DNAAF4: variants seen among roughly 807,000 people sequenced by gnomAD.
The protein encoded by DNAAF4 is dynein axonemal assembly factor 4, also known as dynein assembly factor 4, axonemal.
In DNAAF4, 43 loss-of-function variants were observed where a neutral mutation model predicts 51.8. The observed-to-expected ratio is 0.83, with a 90% CI of 0.65 to 1.07. The LOEUF is 1.07. Ranked by LOEUF, DNAAF4 falls within the 50% of genes least tolerant of loss-of-function variation. DNAAF4 has a pLI of 0.00. For missense variants in DNAAF4, 581 were observed against 493.0 expected (o/e 1.18, Z -1.69); for synonymous variants, 194 against 165.6 (o/e 1.17, Z -1.32).
downstream of DNAAF4, among the ~76,000 whole-genome samples, chr15:55,426,686 C>A (rs1166951331): frequency 6.6e-6 from 1 of 152,156 alleles, no homozygotes; most frequent in Non-Finnish European, 1.5e-5. Flanking sequence ...TCCCAAAGTG[C>A]TGGAATTACA....
downstream of DNAAF4, among the ~76,000 whole-genome samples, chr15:55,428,224 G>A: frequency 6.6e-6 from 1 of 152,160 alleles, no homozygotes; most frequent in East Asian, 1.9e-4. Context: ...AAAGTGCTGG[G>A]ATTATGGGCA....
chr15:55,433,957 A>T (rs1317390938), intron 8 of DNAAF4, among the ~76,000 whole-genome samples: 1 of 48,330 alleles, frequency 2.1e-5, no homozygotes, highest in South Asian at 4.5e-4. Flanking sequence ...TATATATAAT[A>T]TATATAATAT....
chr15:55,487,022 T>C (rs1024471032), intron 4 of DNAAF4, among the ~76,000 whole-genome samples: 3 of 152,184 alleles, frequency 2.0e-5, no homozygotes, highest in Non-Finnish European at 4.4e-5. Context: ...ACTCAACTAA[T>C]TTTACACTTT....
downstream of DNAAF4, among the ~76,000 whole-genome samples, chr15:55,427,227 G>A (rs898350747): frequency 1.1e-4 from 17 of 152,046 alleles, no homozygotes; most frequent in East Asian, 9.7e-4. Context: ...CACCACACCC[G>A]GCTGATTTTT....
At chr15:55,499,648 G>A (rs1158716359) in intron 1 of DNAAF4, among the ~76,000 whole-genome samples, 1 of 152,166 alleles carries the variant, frequency 6.6e-6, no homozygotes, top group Non-Finnish European at 1.5e-5. Flanking sequence ...TATAGGTTTT[G>A]CTCCAAAGTT....
intron 4 of DNAAF4, among the ~76,000 whole-genome samples, chr15:55,476,305 T>C (rs1465479371): frequency 1.3e-5 from 2 of 151,938 alleles, no homozygotes; most frequent in African/African-American, 4.8e-5. Context: ...CCATCTTTAC[T>C]AGATAGGCAT....
At chr15:55,435,902 C>A (rs543419806) in intron 7 of DNAAF4, among the ~76,000 whole-genome samples, 19 of 152,288 alleles carry the variant, frequency 1.2e-4, no homozygotes, top group Non-Finnish European at 2.5e-4. Flanking sequence ...GATTCTCCTG[C>A]GTCAGCCTCC....
At chr15:55,451,847 C>G (rs559876161) in intron 5 of DNAAF4, among the ~76,000 whole-genome samples, 1 of 152,174 alleles carries the variant, frequency 6.6e-6, no homozygotes, top group Non-Finnish European at 1.5e-5. Context: ...TCTTGAACTC[C>G]TGGGCTCAAG....
Position 55,508,211 on chromosome 15 carries a change from G to C in DNAAF4, c.-345C>G, listed in dbSNP as rs951869099. ...CAGAGTAGTCTGCTGGATCCATGGT[G>C]TGGGTTTGCATAATAGGAGAGGAAT... On this transcript the variant is annotated 5_prime_UTR_variant, in exon 1 of 10. Transcript: ENST00000321149. 5 of 152,240 alleles carry C rather than the reference G, an allele frequency of 3.3e-5. No homozygotes were observed. Among genetic ancestry groups the C allele is most frequent in the Admixed American group, 6.5e-5 (1 of 15,284 alleles). 9.4% of individuals were successfully genotyped at this position (152,240 alleles called of 1,614,324 possible). A position where few individuals can be genotyped will look rare whatever the true frequency, so the allele number is the denominator to read the frequency against.
chr15:55,437,749 A>G (rs1306657441), intron 7 of DNAAF4, among the ~76,000 whole-genome samples: 1 of 152,188 alleles, frequency 6.6e-6, no homozygotes, highest in Non-Finnish European at 1.5e-5. Context: ...CTGGGGAGCC[A>G]CAATTCAAGG....
chr15:55,459,949 G>T (rs532433320), intron 5 of DNAAF4, among the ~76,000 whole-genome samples: 1 of 151,704 alleles, frequency 6.6e-6, no homozygotes, highest in Non-Finnish European at 1.5e-5. Context: ...TAATCTGCCC[G>T]CCTCGGCCTC....
chr15:55,424,342 C>G (rs950312922), intron 7 of DNAAF4, among the ~76,000 whole-genome samples: 8 of 152,160 alleles, frequency 5.3e-5, no homozygotes, highest in African/African-American at 1.4e-4. Context: ...CATGCAGAAC[C>G]ATGAACCAAA....
chr15:55,456,534 C>A (rs912720780), intron 5 of DNAAF4, among the ~76,000 whole-genome samples: 32 of 152,176 alleles, frequency 2.1e-4, no homozygotes, highest in African/African-American at 7.7e-4. Context: ...ATGGACAGAA[C>A]AGCATCTGGA....
intron 9 of DNAAF4, among the ~76,000 whole-genome samples, chr15:55,431,122 C>T (rs938845741): frequency 1.3e-5 from 2 of 151,984 alleles, no homozygotes; most frequent in Non-Finnish European, 2.9e-5. Context: ...ACCGTGTTAG[C>T]CAGTAGGGCC....
chr15:55,424,887 A>T (rs1357592615), intron 7 of DNAAF4, among the ~76,000 whole-genome samples: 1 of 144,590 alleles, frequency 6.9e-6, no homozygotes, highest in East Asian at 2.1e-4. Context: ...TTGGAGATGG[A>T]GTTTTGCTCT....
intron 9 of DNAAF4, among the ~76,000 whole-genome samples, chr15:55,431,490 T>G: frequency 6.6e-6 from 1 of 150,860 alleles, no homozygotes; most frequent in South Asian, 2.1e-4. Flanking sequence ...TTTTTTTTTT[T>G]TGGAGACAGA....
intron 8 of DNAAF4, among the ~76,000 whole-genome samples, chr15:55,433,233 G>A: frequency 6.6e-6 from 1 of 152,148 alleles, no homozygotes; most frequent in Admixed American, 6.5e-5. Context: ...CCGGGAGGCA[G>A]GGGTTGCAAT....
intron 1 of DNAAF4, among the ~76,000 whole-genome samples, chr15:55,505,017 A>C (rs2058719444): frequency 6.6e-6 from 1 of 152,172 alleles, no homozygotes; most frequent in South Asian, 2.1e-4. Context: ...TTTGCAATCT[A>C]TCCATCTGAC....
chr15:55,429,135 T>A (rs550324577), downstream of DNAAF4, among the ~76,000 whole-genome samples: 160 of 152,024 alleles, frequency 1.1e-3, no homozygotes, highest in African/African-American at 3.6e-3. Context: ...GGCAGGAGAA[T>A]TGCTTGAACC....
Sources: allele counts gnomAD v4.1 joint callset (sites outside exome capture counted in the v4.1 genomes callset), GRCh38; gene constraint gnomAD v4.1.1; transcripts MANE v1.5; gene names NCBI Gene and HGNC (gene_info 2026-07-23, HGNC 2026-07-21).